DRC11: variants seen among roughly 807,000 people sequenced by gnomAD.
The protein encoded by DRC11 is dynein regulatory complex subunit 11.
the DRC11 span, among the ~76,000 whole-genome samples, chr2:236,479,849 T>C: frequency 6.6e-6 from 1 of 152,158 alleles, no homozygotes; most frequent in Admixed American, 6.5e-5. This position sits in a 1 kb window ranked among gnomAD's most constrained non-coding sequence, Gnocchi z 4.1. Flanking sequence ...AAATGTTTTC[T>C]TTCTGCATGT....
the DRC11 span, chr2:236,488,090 T>C: frequency 1.2e-6 from 2 of 1,610,062 alleles, no homozygotes; most frequent in South Asian, 2.2e-5. Context: ...GCAGATAGAT[T>C]TGCTTCATGA....
At chr2:236,453,449 C>G in the DRC11 span, among the ~76,000 whole-genome samples, 1 of 152,178 alleles carries the variant, frequency 6.6e-6, no homozygotes, top group African/African-American at 2.4e-5. This position sits in a 1 kb window ranked among gnomAD's most constrained non-coding sequence, Gnocchi z 4.9. Context: ...CTCCAAATGA[C>G]ACAGAAATTA....
At chr2:236,307,017 G>A in the DRC11 span, among the ~76,000 whole-genome samples, 1 of 152,122 alleles carries the variant, frequency 6.6e-6, no homozygotes, top group Non-Finnish European at 1.5e-5. The surrounding 1 kb of genome is among the most constrained non-coding windows in gnomAD (Gnocchi z 7.0). Flanking sequence ...ACATTAGGAG[G>A]GATGGGGCGG....
the DRC11 span, among the ~76,000 whole-genome samples, chr2:236,393,512 G>C: frequency 1.3e-5 from 2 of 152,278 alleles, no homozygotes; most frequent in Admixed American, 1.3e-4. This position sits in a 1 kb window ranked among gnomAD's most constrained non-coding sequence, Gnocchi z 4.7. Context: ...CACAAATCTG[G>C]CTGCTGGAGA....
At chr2:236,360,647 G>A in the DRC11 span, among the ~76,000 whole-genome samples, 1 of 152,128 alleles carries the variant, frequency 6.6e-6, no homozygotes, top group Non-Finnish European at 1.5e-5. This position sits in a 1 kb window ranked among gnomAD's most constrained non-coding sequence, Gnocchi z 5.8. Context: ...CAAATCATTG[G>A]CTAACTTTAG....
the DRC11 span, among the ~76,000 whole-genome samples, chr2:236,443,152 A>G: frequency 1.3e-5 from 2 of 152,208 alleles, no homozygotes; most frequent in African/African-American, 4.8e-5. This position sits in a 1 kb window ranked among gnomAD's most constrained non-coding sequence, Gnocchi z 4.4. Flanking sequence ...CCTCAAGAAC[A>G]TTGTCAAATA....
chr2:236,363,683 C>T, the DRC11 span: 1 of 928,348 alleles, frequency 1.1e-6, no homozygotes, highest in South Asian at 1.5e-5. This position sits in a 1 kb window ranked among gnomAD's most constrained non-coding sequence, Gnocchi z 5.6. Context: ...AAATTTAAGA[C>T]AGTCATGCTT....
the DRC11 span, among the ~76,000 whole-genome samples, chr2:236,349,119 C>T: frequency 8.5e-5 from 13 of 152,168 alleles, no homozygotes; most frequent in Non-Finnish European, 1.9e-4. This position sits in a 1 kb window ranked among gnomAD's most constrained non-coding sequence, Gnocchi z 5.5. Flanking sequence ...CTATTCATGG[C>T]ACTTCCTAAT....
the DRC11 span, among the ~76,000 whole-genome samples, chr2:236,410,665 C>T: frequency 4.0e-5 from 6 of 150,400 alleles, no homozygotes; most frequent in Non-Finnish European, 8.8e-5. Flanking sequence ...GCTACAGTAA[C>T]CAAAACAGCA....
chr2:236,450,320 T>C, the DRC11 span, among the ~76,000 whole-genome samples: 36 of 135,666 alleles, frequency 2.7e-4, no homozygotes, highest in African/African-American at 5.4e-4. Context: ...TTTTCTTTTT[T>C]TTTTTTTTTT....
At chr2:236,344,521 A>C in the DRC11 span, 1 of 1,519,782 alleles carries the variant, frequency 6.6e-7, no homozygotes, top group Non-Finnish European at 9.1e-7. Context: ...TTTGGAGGAA[A>C]GAAAAGGCAA....
the DRC11 span, chr2:236,391,924 CA>C: frequency 1.4e-5 from 21 of 1,514,402 alleles, no homozygotes; most frequent in Non-Finnish European, 1.9e-5. The surrounding 1 kb of genome is among the most constrained non-coding windows in gnomAD (Gnocchi z 4.5). Context: ...GGCTGCTTTT[CA>C]TGACTGAATC....
At chr2:236,459,595 G>C in the DRC11 span, among the ~76,000 whole-genome samples, 2 of 108,834 alleles carry the variant, frequency 1.8e-5, no homozygotes, top group Non-Finnish European at 4.1e-5. Flanking sequence ...ATACGTATAC[G>C]TATACATATA....
the DRC11 span, among the ~76,000 whole-genome samples, chr2:236,409,247 G>A: frequency 6.6e-6 from 1 of 152,186 alleles, no homozygotes; most frequent in Non-Finnish European, 1.5e-5. Flanking sequence ...TGGGACCACA[G>A]GCACACACCA....
chr2:236,420,456 A>G, the DRC11 span, among the ~76,000 whole-genome samples: 1 of 152,192 alleles, frequency 6.6e-6, no homozygotes, highest in African/African-American at 2.4e-5. This position sits in a 1 kb window ranked among gnomAD's most constrained non-coding sequence, Gnocchi z 4.8. Context: ...ACAAACTCCA[A>G]ATTAAGTACA....
the DRC11 span, among the ~76,000 whole-genome samples, chr2:236,357,205 A>C: frequency 1.8e-5 from 2 of 111,096 alleles, no homozygotes; most frequent in Non-Finnish European, 3.4e-5. Flanking sequence ...TATAAATTAT[A>C]TTCATATAGT....
the DRC11 span, among the ~76,000 whole-genome samples, chr2:236,364,177 C>A: frequency 6.6e-6 from 1 of 151,088 alleles, no homozygotes; most frequent in Admixed American, 6.6e-5. Flanking sequence ...TAGGTCAGGG[C>A]TCGTGGTAGA....
chr2:236,409,108 A>T, the DRC11 span: 4 of 415,304 alleles, frequency 9.6e-6, no homozygotes, highest in Non-Finnish European at 1.8e-5. Context: ...GTAGAGCCTA[A>T]TTTTTTTTCT....
the DRC11 span, among the ~76,000 whole-genome samples, chr2:236,306,885 T>C: frequency 2.0e-5 from 3 of 152,184 alleles, no homozygotes; most frequent in African/African-American, 7.2e-5. The surrounding 1 kb of genome is among the most constrained non-coding windows in gnomAD (Gnocchi z 5.9). Flanking sequence ...GCTAATATTA[T>C]CCTGTGTGTA....
Sources: allele counts gnomAD v4.1 joint callset (sites outside exome capture counted in the v4.1 genomes callset), GRCh38; gene constraint gnomAD v4.1.1; non-coding constraint Gnocchi (gnomAD v3.1); transcripts MANE v1.5; gene names NCBI Gene and HGNC (gene_info 2026-07-23, HGNC 2026-07-21).